The following CAPRIN1 variants were observed in gnomAD, a reference collection of about 807,000 sequenced individuals.
CAPRIN1 encodes the protein cell cycle associated protein 1, also known as caprin-1.
A neutral mutation model predicts 100.9 loss-of-function variants in CAPRIN1; 29 were observed. The ratio of observed to expected loss-of-function variants is 0.29; its 90% CI spans 0.21 to 0.39. The LOEUF (loss-of-function observed/expected upper bound fraction) is 0.39, where lower values mean the gene tolerates loss of function less well. Ranked by LOEUF, CAPRIN1 falls within the 10% of genes least tolerant of loss-of-function variation. The pLI, the probability that CAPRIN1 is intolerant of heterozygous loss-of-function variation, is 1.00. For missense variants in CAPRIN1, 795 were observed against 876.7 expected, an observed-to-expected ratio of 0.91 and a Z score of 1.18; for synonymous variants, 338 against 307.5, an observed-to-expected ratio of 1.10 and a Z score of -1.04.
intron 15 of CAPRIN1, among the ~76,000 whole-genome samples, chr11:34,095,056 G>A (rs558192700): frequency 3.3e-5 from 5 of 151,968 alleles, no homozygotes; most frequent in Admixed American, 6.6e-5. Context: ...CTAATTTTTT[G>A]TATTTTGTTG....
Position 34,090,165 on chromosome 11 carries a change from T to C in CAPRIN1, c.1294-14T>C, listed in dbSNP as rs762816910. Reference sequence around the variant, plus strand: ...TAAGCAGGAAGAAGCTTTTATTTCTTTACTTATGTCTAGGTTCCTTTGGTA... The same window carrying C: ...TAAGCAGGAAGAAGCTTTTATTTCTCTACTTATGTCTAGGTTCCTTTGGTA... On this transcript the variant is annotated splice_polypyrimidine_tract_variant and intron_variant, in intron 12 of 18. Transcript: ENST00000341394. The C allele has an allele frequency of 4.5e-5, 69 of 1,544,056 alleles. No individual in the cohort carries two copies. Among genetic ancestry groups the C allele is most frequent in the Non-Finnish European group, 6.1e-5 (68 of 1,120,548 alleles).
chr11:34,098,143 CA>C (rs1851398971), intron 18 of CAPRIN1: 4 of 1,004,078 alleles, frequency 4.0e-6, no homozygotes, highest in Non-Finnish European at 4.8e-6. Flanking sequence ...ATTCCTCTTT[CA>C]TTTTTTTGAA....
intron 4 of CAPRIN1, among the ~76,000 whole-genome samples, chr11:34,075,688 A>G (rs1225983931): frequency 6.6e-6 from 1 of 152,194 alleles, no homozygotes; most frequent in African/African-American, 2.4e-5. Context: ...TCATTTGCCC[A>G]TAGAGGAGCT....
intron 6 of CAPRIN1, 62 bp downstream of exon 6, chr11:34,076,704 AT>A (rs1850914969): frequency 3.6e-6 from 4 of 1,096,904 alleles, no homozygotes; most frequent in African/African-American, 1.6e-5. Flanking sequence ...TAATTTTCTT[AT>A]GTTTATAGTT....
At chr11:34,057,004 A>G (rs1850464779) in intron 2 of CAPRIN1, among the ~76,000 whole-genome samples, 2 of 152,156 alleles carry the variant, frequency 1.3e-5, no homozygotes, top group South Asian at 4.1e-4. Flanking sequence ...TGAGGGTAAC[A>G]TTTCTTTCTA....
chr11:34,061,151 ACTTAACCTG>A (rs920001128), intron 2 of CAPRIN1, among the ~76,000 whole-genome samples: 6 of 150,844 alleles, frequency 4.0e-5, no homozygotes, highest in Non-Finnish European at 8.8e-5. Context: ...ACTCCTGGAT[ACTTAACCTG>A]CTTGAAAAAT....
chr11:34,060,590 C>T (rs913880261), intron 2 of CAPRIN1, among the ~76,000 whole-genome samples: 3 of 152,178 alleles, frequency 2.0e-5, no homozygotes, highest in African/African-American at 7.2e-5. Context: ...CTTTGAGTTA[C>T]ATTGAACTTC....
At position 34,083,014 on chromosome 11, in the gene CAPRIN1, A is replaced by G. The variant is rs1414540100; in HGVS notation, c.939A>G (p.Val313=). Residue 313 remains valine, a synonymous_variant, in exon 9 of 19, where the codon GTA becomes GTG. Transcript: ENST00000341394. ...TQFTSGEKEQ[V]DEWTVETVEV... ...TCACCAGTGGTGAAAAGGAGCAGGT[A>G]GATGAGTGGACAGTTGAAACGGTTG... 1.2e-6 allele frequency: 2 copies of G among 1,613,916 alleles called. No homozygotes were observed. The highest frequency in any genetic ancestry group is 1.3e-5 in the African/African-American group (1 of 75,066).
At chr11:34,075,707 G>A (rs10047487) in intron 4 of CAPRIN1, among the ~76,000 whole-genome samples, 129,258 of 152,294 alleles carry the variant, frequency 0.85, 55,682 homozygotes, top group East Asian at 1. Flanking sequence ...CTAGATTGAG[G>A]TAAGATTTTT....
intron 2 of CAPRIN1, among the ~76,000 whole-genome samples, chr11:34,066,887 C>T (rs927890408): frequency 5.3e-5 from 8 of 151,700 alleles, no homozygotes; most frequent in Non-Finnish European, 7.4e-5. Context: ...CCGCCTCAGC[C>T]TCCCGAAGTG....
chr11:34,071,867 T>C, intron 3 of CAPRIN1, 34 bp from the exon 4 acceptor site: 3 of 1,597,914 alleles, frequency 1.9e-6, no homozygotes, highest in Non-Finnish European at 2.6e-6. Flanking sequence ...GTTTTTTGTC[T>C]TTCCAGTAAA....
chr11:34,089,937 C>T (rs1214991703), intron 12 of CAPRIN1: 2 of 272,766 alleles, frequency 7.3e-6, no homozygotes, highest in East Asian at 7.5e-5. Flanking sequence ...CTTAGAAGTA[C>T]TTGTGGAGGG....
intron 15 of CAPRIN1, among the ~76,000 whole-genome samples, chr11:34,094,259 T>TCTCCTGCCTCGGC (rs139351863): frequency 0.1 from 15,414 of 151,852 alleles, 850 homozygotes; most frequent in African/African-American, 0.15. Context: ...TTCAAGCGAT[T>TCTCCTGCCTCGGC]CTCCTGCCTC....
At chr11:34,098,969 T>G in intron 18 of CAPRIN1, 3 of 1,143,438 alleles carry the variant, frequency 2.6e-6, no homozygotes, top group Non-Finnish European at 3.3e-6. Context: ...GCAGGTACCT[T>G]GTCTGTCTTC....
chr11:34,082,528 C>G (rs1851053402), intron 7 of CAPRIN1, among the ~76,000 whole-genome samples: 1 of 152,176 alleles, frequency 6.6e-6, no homozygotes, highest in South Asian at 2.1e-4. Flanking sequence ...CACAGCAAAA[C>G]TGAACAGAAG....
chr11:34,068,201 C>T (rs568570575), intron 2 of CAPRIN1, among the ~76,000 whole-genome samples: 27 of 152,336 alleles, frequency 1.8e-4, no homozygotes, highest in African/African-American at 6.3e-4. Flanking sequence ...GCTTCCTCAT[C>T]ATGTGGCAGT....
chr11:34,077,582 C>G (rs985810477), intron 6 of CAPRIN1, among the ~76,000 whole-genome samples: 2 of 152,132 alleles, frequency 1.3e-5, no homozygotes, highest in Admixed American at 1.3e-4. Context: ...TCTGTGAAAT[C>G]AGGGAATAGA....
chr11:34,087,487 CTA>C (rs1367899551), intron 11 of CAPRIN1, among the ~76,000 whole-genome samples: 6 of 143,808 alleles, frequency 4.2e-5, no homozygotes, highest in African/African-American at 1.6e-4. Context: ...GCGCCCGCCA[CTA>C]CACCCGGCTA....
intron 4 of CAPRIN1, among the ~76,000 whole-genome samples, chr11:34,072,818 G>C (rs1033752865): frequency 6.6e-6 from 1 of 152,154 alleles, no homozygotes; most frequent in African/African-American, 2.4e-5. Context: ...GTCAACTTTG[G>C]ACCACATATA....
Sources: gnomAD v4.1 joint callset for allele counts (sites outside exome capture counted in the v4.1 genomes callset) on GRCh38, gnomAD v4.1.1 for gene constraint, MANE v1.5 for transcripts, NCBI Gene and HGNC (gene_info 2026-07-23, HGNC 2026-07-21) for gene names.